KIAA1217: variants seen among roughly 807,000 people sequenced by gnomAD.
KIAA1217 encodes sickle tail protein homolog.
A neutral mutation model predicts 163.9 loss-of-function variants in KIAA1217; 88 were observed. The ratio of observed to expected loss-of-function variants is 0.54; its 90% CI spans 0.45 to 0.64. The LOEUF is 0.64. Ranked by LOEUF, KIAA1217 falls within the 30% of genes least tolerant of loss-of-function variation. KIAA1217 has a pLI of 0.00. For synonymous variants in KIAA1217, 903 were observed against 923.1 expected (o/e 0.98, Z 0.39); for missense variants, 2,372 against 2,475.0 (o/e 0.96, Z 0.88).
intron 1 of KIAA1217, among the ~76,000 whole-genome samples, chr10:23,777,698 A>C (rs1032592468): frequency 3.3e-5 from 5 of 152,192 alleles, no homozygotes; most frequent in Non-Finnish European, 7.3e-5. Flanking sequence ...TCATTAAAAA[A>C]AAATAAAGAT....
intron 2 of KIAA1217, among the ~76,000 whole-genome samples, chr10:24,078,314 T>C (rs772485887): frequency 6.6e-6 from 1 of 152,082 alleles, no homozygotes; most frequent in Non-Finnish European, 1.5e-5. Flanking sequence ...GGTAAAGCCG[T>C]GATGGAGCAG....
At chr10:23,720,923 G>T (rs151006963) in intron 1 of KIAA1217, among the ~76,000 whole-genome samples, 124 of 152,142 alleles carry the variant, frequency 8.2e-4, no homozygotes, top group African/African-American at 2.9e-3. Flanking sequence ...TCTTGGTTTT[G>T]CTTAGAAAAT....
chr10:23,857,558 T>C (rs1379231837), intron 1 of KIAA1217, among the ~76,000 whole-genome samples: 1 of 152,190 alleles, frequency 6.6e-6, no homozygotes, highest in Non-Finnish European at 1.5e-5. Flanking sequence ...CACAATCATC[T>C]GGAGAATGAC....
intron 1 of KIAA1217, among the ~76,000 whole-genome samples, chr10:23,845,979 T>C (rs897350143): frequency 6.6e-6 from 1 of 152,216 alleles, no homozygotes; most frequent in Non-Finnish European, 1.5e-5. Context: ...TAGCATTTAT[T>C]GAATAGGGAA....
chr10:23,967,682 T>C (rs111576998), intron 1 of KIAA1217, among the ~76,000 whole-genome samples: 2,740 of 152,288 alleles, frequency 0.018, 81 homozygotes, highest in African/African-American at 0.061. Flanking sequence ...ACTATTATTT[T>C]GGAAAGACAT....
chr10:24,333,213 C>T (rs1022585531), intron 2 of KIAA1217, among the ~76,000 whole-genome samples: 2 of 152,000 alleles, frequency 1.3e-5, no homozygotes, highest in Non-Finnish European at 2.9e-5. Context: ...TTAGTAAAAA[C>T]GGGGTCTCGC....
chr10:23,814,899 C>G (rs1837246029), intron 1 of KIAA1217, among the ~76,000 whole-genome samples: 7 of 151,806 alleles, frequency 4.6e-5, no homozygotes, highest in Admixed American at 4.6e-4. Flanking sequence ...TTTTCTGATC[C>G]TCAGTTTTGT....
chr10:24,454,269 C>G (rs1451840039), intron 5 of KIAA1217, among the ~76,000 whole-genome samples: 1 of 152,200 alleles, frequency 6.6e-6, no homozygotes, highest in African/African-American at 2.4e-5. Flanking sequence ...TTCATTTAAG[C>G]TAGAGGACCT....
chr10:23,704,942 T>C (rs1165247132), intron 1 of KIAA1217, among the ~76,000 whole-genome samples: 1 of 152,162 alleles, frequency 6.6e-6, no homozygotes, highest in Non-Finnish European at 1.5e-5. Context: ...GGTTCCATTT[T>C]CCTCACATCT....
intron 1 of KIAA1217, among the ~76,000 whole-genome samples, chr10:23,883,610 A>G (rs571649553): frequency 7.3e-4 from 111 of 152,064 alleles, no homozygotes; most frequent in Non-Finnish European, 9.1e-4. Flanking sequence ...ATTAAAATCA[A>G]TGAACCTACA....
chr10:24,354,748 C>T (rs557488206), intron 2 of KIAA1217, among the ~76,000 whole-genome samples: 4 of 148,800 alleles, frequency 2.7e-5, no homozygotes, highest in African/African-American at 7.8e-5. Flanking sequence ...CTCTGCTCCT[C>T]TGCTCTTCTG....
At chr10:24,234,708 C>G (rs1034228981) in intron 2 of KIAA1217, among the ~76,000 whole-genome samples, 3 of 147,294 alleles carry the variant, frequency 2.0e-5, no homozygotes. Context: ...CTTGGCTTTG[C>G]TTTTTCAGCC....
At chr10:24,186,895 A>C (rs2066459902) in intron 2 of KIAA1217, among the ~76,000 whole-genome samples, 2 of 152,160 alleles carry the variant, frequency 1.3e-5, no homozygotes, top group South Asian at 2.1e-4. Context: ...GTCTAAAAAA[A>C]ACAAAACGAA....
intron 13 of KIAA1217, among the ~76,000 whole-genome samples, chr10:24,527,538 T>C (rs1436525333): frequency 2.7e-5 from 4 of 150,262 alleles, no homozygotes; most frequent in African/African-American, 7.3e-5. Context: ...TGGCTGAACA[T>C]GTGTAATCCT....
At chr10:24,184,151 A>G (rs2066312470) in intron 2 of KIAA1217, among the ~76,000 whole-genome samples, 1 of 152,222 alleles carries the variant, frequency 6.6e-6, no homozygotes, top group Admixed American at 6.5e-5. Flanking sequence ...ACTTGGGGAT[A>G]TGTGCTGTTT....
At chr10:24,085,867 G>A (rs1183437287) in intron 2 of KIAA1217, among the ~76,000 whole-genome samples, 1 of 152,044 alleles carries the variant, frequency 6.6e-6, no homozygotes, top group East Asian at 1.9e-4. Flanking sequence ...CAGCTACTTG[G>A]GAGGCTGAGG....
At position 24,495,156 on chromosome 10, in the gene KIAA1217, G is replaced by A; in HGVS notation, c.1794G>A (p.Met598Ile). ...SYSKDASSEK[M>I]MKTTANRNHT... ...TTTTTCTTTTATTCAGCGAGAAAATGATGAAAACCACAGCCAACAGGAACC... is the reference window on the plus strand; with the variant it reads ...TTTTTCTTTTATTCAGCGAGAAAATAATGAAAACCACAGCCAACAGGAACC... Residue 598 changes from methionine to isoleucine, a missense_variant, in exon 8 of 21, where the codon ATG becomes ATA. By Grantham distance (10) the Met-to-Ile change is conservative. Around this residue, in one of 3 missense-constraint regions of KIAA1217, gnomAD observed 1,431 missense variants for 1,470.3 expected, o/e 0.97. Coordinates refer to ENST00000376454, the MANE Select transcript of KIAA1217 (RefSeq NM_019590.5). 6.2e-7 allele frequency: 1 copy of A among 1,612,102 alleles called. No homozygotes were observed. Among genetic ancestry groups the A allele is most frequent in the Non-Finnish European group, 8.5e-7 (1 of 1,179,370 alleles).
chr10:23,977,959 T>C (rs1335769292), intron 1 of KIAA1217, among the ~76,000 whole-genome samples: 1 of 152,186 alleles, frequency 6.6e-6, no homozygotes, highest in African/African-American at 2.4e-5. Context: ...ATCCCCTGTT[T>C]CTTATCCTTC....
intron 2 of KIAA1217, among the ~76,000 whole-genome samples, chr10:24,135,754 T>C (rs1427794132): frequency 6.6e-6 from 1 of 152,090 alleles, no homozygotes; most frequent in East Asian, 1.9e-4. Context: ...GGGACTGTAG[T>C]CCCAGCTCTG....
Sources: gnomAD v4.1 joint callset for allele counts (sites outside exome capture counted in the v4.1 genomes callset) on GRCh38, gnomAD v4.1.1 for gene constraint, gnomAD v4.1.1 regional missense constraint, MANE v1.5 for transcripts, NCBI Gene and HGNC (gene_info 2026-07-23, HGNC 2026-07-21) for gene names.